FGF14: variants seen among roughly 807,000 people sequenced by gnomAD.
FGF14 encodes the protein fibroblast growth factor 14, also known as fibroblast growth factor homologous factor 4.
In FGF14, 5 loss-of-function variants were observed where a neutral mutation model predicts 25.5. The ratio of observed to expected loss-of-function variants is 0.20; its 90% confidence interval spans 0.10 to 0.41. The LOEUF is 0.41. FGF14 is among the 10% of genes least tolerant of loss of function. The pLI, the probability that FGF14 is intolerant of heterozygous loss-of-function variation, is 1.00. For missense variants in FGF14, 222 were observed against 320.1 expected, an observed-to-expected ratio of 0.69 and a Z score of 2.34; for synonymous variants, 138 against 118.3, an observed-to-expected ratio of 1.17 and a Z score of -1.08.
intron 1 of FGF14, among the ~76,000 whole-genome samples, chr13:101,973,810 A>T (rs1404553154): frequency 6.6e-6 from 1 of 152,184 alleles, no homozygotes; most frequent in Non-Finnish European, 1.5e-5. Context: ...TCACAGACAC[A>T]CCCAGGATCA....
At chr13:102,163,927 G>T (rs1280722091) in intron 1 of FGF14, among the ~76,000 whole-genome samples, 1 of 152,128 alleles carries the variant, frequency 6.6e-6, no homozygotes, top group African/African-American at 2.4e-5. Context: ...ACATGAAAAA[G>T]AAATAGTGAA....
chr13:101,730,653 A>G (rs918929519), intron 3 of FGF14, among the ~76,000 whole-genome samples: 4 of 152,230 alleles, frequency 2.6e-5, no homozygotes, highest in African/African-American at 9.6e-5. Flanking sequence ...AACAGATTGC[A>G]TTGAAAATGT....
At chr13:101,943,826 A>AAAAAATATATATATATATATATACACAC (rs1555324449) in intron 1 of FGF14, among the ~76,000 whole-genome samples, 1 of 126,808 alleles carries the variant, frequency 7.9e-6, no homozygotes, top group African/African-American at 3.4e-5. Flanking sequence ...AAAAAAAAAA[A>AAAAAATATATATATATATATATACACAC]ATATATATAT....
chr13:102,396,458 A>G (rs1289759055), intron 1 of FGF14, among the ~76,000 whole-genome samples: 3 of 152,212 alleles, frequency 2.0e-5, no homozygotes, highest in African/African-American at 4.8e-5. Context: ...TATGATGCCA[A>G]AATGTGCAAA....
chr13:101,753,270 TACACACACACACAG>T lies in FGF14; in HGVS notation c.409-26474_409-26461del, dbSNP rs1218842548. ...ATTCCATATATTATATATGATCAAA[TACACACACACACAG>T]ACACACACAGACAGACACACACACA... On this transcript the variant is annotated intron_variant, in intron 3 of 4. Transcript: ENST00000376143. 2.2e-3 allele frequency among the ~76,000 whole-genome samples: 309 copies of T among 141,488 alleles called. 1 individual carries two copies. Among genetic ancestry groups the T allele is most frequent in the African/African-American group, 7.9e-3 (299 of 37,698 alleles). The allele number at this position is 141,488 out of a possible 152,430, so 92.8% of individuals were successfully genotyped here. A position where few individuals can be genotyped will look rare whatever the true frequency, so the allele number is the denominator to read the frequency against.
intron 1 of FGF14, among the ~76,000 whole-genome samples, chr13:102,159,838 G>C (rs1019424825): frequency 6.6e-6 from 1 of 152,128 alleles, no homozygotes; most frequent in African/African-American, 2.4e-5. Flanking sequence ...ATCTGGGTCA[G>C]ATACTAAGAA....
intron 1 of FGF14, among the ~76,000 whole-genome samples, chr13:102,288,673 C>T (rs1397134780): frequency 6.6e-6 from 1 of 152,088 alleles, no homozygotes; most frequent in African/African-American, 2.4e-5. Context: ...CAACCTCTAC[C>T]TCCTGGATTC....
chr13:102,339,758 GTCA>G (rs1427025730), intron 1 of FGF14, among the ~76,000 whole-genome samples: 1 of 152,118 alleles, frequency 6.6e-6, no homozygotes, highest in Non-Finnish European at 1.5e-5. Flanking sequence ...TTATCAAGAA[GTCA>G]TCATGGTGAG....
chr13:101,781,825 G>T (rs2140033318), intron 3 of FGF14, among the ~76,000 whole-genome samples: 1 of 152,256 alleles, frequency 6.6e-6, no homozygotes, highest in Non-Finnish European at 1.5e-5. Flanking sequence ...ATATTACTAG[G>T]TAATTGATTC....
At chr13:102,222,990 A>G (rs2050682844) in intron 1 of FGF14, among the ~76,000 whole-genome samples, 1 of 152,206 alleles carries the variant, frequency 6.6e-6, no homozygotes, top group Admixed American at 6.5e-5. Context: ...TAAGCTCTCA[A>G]TAGAAGTCTT....
chr13:102,399,456 C>G (rs532634382), intron 1 of FGF14, among the ~76,000 whole-genome samples: 1 of 152,164 alleles, frequency 6.6e-6, no homozygotes, highest in Admixed American at 6.5e-5. Flanking sequence ...AAGCAGTCAC[C>G]CCTGCCCTTC....
chr13:101,760,361 G>A (rs1188294912), intron 3 of FGF14, among the ~76,000 whole-genome samples: 2 of 152,118 alleles, frequency 1.3e-5, no homozygotes, highest in East Asian at 1.9e-4. Context: ...CTTATTTGGT[G>A]ACTTAATATT....
At chr13:101,813,673 C>T (rs914010622) in intron 3 of FGF14, among the ~76,000 whole-genome samples, 1 of 150,504 alleles carries the variant, frequency 6.6e-6, no homozygotes, top group Non-Finnish European at 1.5e-5. Context: ...AGTGTATGAG[C>T]AGGAATAAAT....
chr13:101,965,988 A>T (rs962530670), intron 1 of FGF14, among the ~76,000 whole-genome samples: 1 of 152,226 alleles, frequency 6.6e-6, no homozygotes, highest in Admixed American at 6.5e-5. Flanking sequence ...CCAGAACCAC[A>T]ATCAACTTTT....
At chr13:101,736,369 G>T (rs557706843) in intron 3 of FGF14, among the ~76,000 whole-genome samples, 2 of 152,154 alleles carry the variant, frequency 1.3e-5, no homozygotes, top group East Asian at 3.9e-4. Flanking sequence ...TTTCCCCTCT[G>T]CAATAAAGCA....
intron 3 of FGF14, among the ~76,000 whole-genome samples, chr13:101,835,956 G>T (rs538323483): frequency 6.6e-6 from 1 of 152,086 alleles, no homozygotes; most frequent in East Asian, 1.9e-4. Context: ...AGAGAGAGAG[G>T]GCTGTGTTGG....
At chr13:102,085,569 C>T (rs938667483) in intron 1 of FGF14, among the ~76,000 whole-genome samples, 1 of 152,130 alleles carries the variant, frequency 6.6e-6, no homozygotes, top group South Asian at 2.1e-4. Context: ...CAATGGAAGA[C>T]ATAGGCCATT....
intron 1 of FGF14, among the ~76,000 whole-genome samples, chr13:102,057,650 A>C (rs1369147812): frequency 2.6e-5 from 4 of 152,202 alleles, no homozygotes; most frequent in Non-Finnish European, 5.9e-5. Context: ...TATTTATGGC[A>C]TGAATAGTGC....
At chr13:102,211,523 T>G (rs2050159417) in intron 1 of FGF14, among the ~76,000 whole-genome samples, 1 of 152,176 alleles carries the variant, frequency 6.6e-6, no homozygotes, top group Non-Finnish European at 1.5e-5. Flanking sequence ...TTCCAAAACT[T>G]TTTGAAGTTA....
Sources: allele counts gnomAD v4.1 joint callset (sites outside exome capture counted in the v4.1 genomes callset), GRCh38; gene constraint gnomAD v4.1.1; transcripts MANE v1.5; gene names NCBI Gene and HGNC (gene_info 2026-07-23, HGNC 2026-07-21).